The following POT1 variants were observed in gnomAD, a reference collection of about 807,000 sequenced individuals.
POT1 encodes the protein protection of telomeres protein 1.
In POT1, 47 loss-of-function variants were observed where a neutral mutation model predicts 78.5. That is an observed-to-expected ratio of 0.60 (90% CI 0.47 to 0.76). The LOEUF is 0.76. Ranked by LOEUF, POT1 falls within the 30% of genes least tolerant of loss-of-function variation. POT1 has a pLI of 0.00. For missense variants in POT1, 646 were observed against 749.9 expected (o/e 0.86, Z 1.62); for synonymous variants, 259 against 260.7 (o/e 0.99, Z 0.06).
At position 124,842,980 on chromosome 7, in the gene POT1, TATTCAATCAGAATAACAA is replaced by T. The variant is rs2116468506; in HGVS notation, c.1007-35_1007-18del. On this transcript the variant is annotated intron_variant, in intron 12 of 18. Transcript: ENST00000357628. ...CTGTAAGTACTGTAAAGAATTTTTATATTCAATCAGAATAACAAGAATCATATTTATGACATGCATCCT... is the reference window on the plus strand; with the variant it reads ...CTGTAAGTACTGTAAAGAATTTTTATGAATCATATTTATGACATGCATCCT... The T allele has an allele frequency of 1.3e-6, 2 of 1,506,054 alleles. No individual in the cohort carries two copies. Among genetic ancestry groups the T allele is most frequent in the Non-Finnish European group, 1.8e-6 (2 of 1,118,638 alleles). The allele number at this position is 1,506,054 out of a possible 1,614,324, so 93.3% of individuals were successfully genotyped here.
chr7:124,830,761 GAAAGC>G (rs1794739922), intron 15 of POT1, among the ~76,000 whole-genome samples: 1 of 151,970 alleles, frequency 6.6e-6, no homozygotes, highest in Non-Finnish European at 1.5e-5. Context: ...CCAGAAACTT[GAAAGC>G]AAAGGGATGA....
At chr7:124,843,823 A>T (rs1455092606) in intron 12 of POT1, among the ~76,000 whole-genome samples, 2 of 152,210 alleles carry the variant, frequency 1.3e-5, no homozygotes, top group Non-Finnish European at 2.9e-5. Context: ...TTCAGTACTG[A>T]GCTTTAATCC....
At chr7:124,830,747 A>G (rs1032253133) in intron 15 of POT1, among the ~76,000 whole-genome samples, 2 of 152,110 alleles carry the variant, frequency 1.3e-5, no homozygotes, top group Non-Finnish European at 2.9e-5. Context: ...TACAAATTAG[A>G]ATGCCAGAAA....
chr7:124,862,473 T>G (rs75276961), intron 8 of POT1, among the ~76,000 whole-genome samples: 3,828 of 152,298 alleles, frequency 0.025, 156 homozygotes, highest in African/African-American at 0.087. Context: ...TTTGACTTAT[T>G]TAACTTTCTG....
At position 124,922,925 on chromosome 7, in the gene POT1, C is replaced by T. The variant is rs144690382; in HGVS notation, c.-227+5890G>A. On this transcript the variant is annotated intron_variant, in intron 2 of 18. Transcript: ENST00000357628. ...TTGAAAAAGAAAGGAAATGTTCATACACTCAATATAAGGGCCACACTACCA... is the reference window on the plus strand; with the variant it reads ...TTGAAAAAGAAAGGAAATGTTCATATACTCAATATAAGGGCCACACTACCA... 1.9e-3 allele frequency among the ~76,000 whole-genome samples: 293 copies of T among 151,790 alleles called. 1 individual carries two copies. The highest frequency in any genetic ancestry group is 6.8e-3 in the African/African-American group (282 of 41,490).
chr7:124,834,536 A>G (rs1251789061), intron 15 of POT1, among the ~76,000 whole-genome samples: 1 of 152,040 alleles, frequency 6.6e-6, no homozygotes, highest in Non-Finnish European at 1.5e-5. Context: ...AATCAAAACC[A>G]CAATGAGATA....
In POT1 at chr7:124,868,355, C is replaced by A. The variant is rs79203345; in HGVS notation, c.255+2556G>T. On this transcript the variant is annotated intron_variant, in intron 7 of 18. Transcript: ENST00000357628. ...AGTAATGCTAAATCTATACAGGAGCCTCACAATATATAAAACATAAAATTA... is the reference window on the plus strand; with the variant it reads ...AGTAATGCTAAATCTATACAGGAGCATCACAATATATAAAACATAAAATTA... 5.9e-3 allele frequency among the ~76,000 whole-genome samples: 898 copies of A among 152,100 alleles called. 9 individuals carry two copies. The highest frequency in any genetic ancestry group is 0.02 in the African/African-American group (843 of 41,506).
intron 7 of POT1, among the ~76,000 whole-genome samples, chr7:124,867,026 T>C (rs1795743526): frequency 6.6e-6 from 1 of 152,236 alleles, no homozygotes; most frequent in African/African-American, 2.4e-5. Flanking sequence ...CCATGCTCAC[T>C]AGTGTATACT....
chr7:124,873,268 T>C (rs888800757), intron 6 of POT1, among the ~76,000 whole-genome samples: 1 of 152,214 alleles, frequency 6.6e-6, no homozygotes, highest in African/African-American at 2.4e-5. Flanking sequence ...TGTTTTCTTC[T>C]AGTAGGTTCA....
chr7:124,917,374 A>G (rs2116702448), intron 2 of POT1, among the ~76,000 whole-genome samples: 1 of 152,294 alleles, frequency 6.6e-6, no homozygotes, highest in South Asian at 2.1e-4. Flanking sequence ...CCGATCCTAC[A>G]TACAAAGTAA....
At chr7:124,828,287 T>C (rs1794679632) in intron 16 of POT1, among the ~76,000 whole-genome samples, 1 of 152,112 alleles carries the variant, frequency 6.6e-6, no homozygotes, top group South Asian at 2.1e-4. Flanking sequence ...TGGACAAGAA[T>C]GTCAGAATCT....
intron 3 of POT1, among the ~76,000 whole-genome samples, chr7:124,914,387 C>T (rs1306484176): frequency 6.6e-6 from 1 of 152,056 alleles, no homozygotes; most frequent in Non-Finnish European, 1.5e-5. Flanking sequence ...TTTTATAATT[C>T]TGATGGGGAC....
chr7:124,859,256 G>C, intron 8 of POT1, 144 bp from the exon 9 acceptor site: 1 of 525,760 alleles, frequency 1.9e-6, no homozygotes, highest in Non-Finnish European at 3.1e-6. Context: ...ATTATTTTCT[G>C]ATTGTTAAAG....
intron 15 of POT1, among the ~76,000 whole-genome samples, chr7:124,830,518 G>A (rs1304112148): frequency 6.6e-6 from 1 of 151,844 alleles, no homozygotes; most frequent in East Asian, 1.9e-4. Flanking sequence ...AAAAGACTAC[G>A]ATATTGATTA....
intron 3 of POT1, among the ~76,000 whole-genome samples, chr7:124,906,646 TA>T (rs1382615144): frequency 6.6e-6 from 1 of 151,770 alleles, no homozygotes; most frequent in East Asian, 1.9e-4. Context: ...TAATAAAAAA[TA>T]AAAAATAAAA....
intron 7 of POT1, among the ~76,000 whole-genome samples, chr7:124,868,336 G>C (rs1795781035): frequency 6.6e-6 from 1 of 151,986 alleles, no homozygotes; most frequent in Admixed American, 6.6e-5. Flanking sequence ...ATATAGTAAT[G>C]CTAAATCTAT....
chr7:124,850,081 T>C (rs1162020251), intron 11 of POT1, among the ~76,000 whole-genome samples: 1 of 151,986 alleles, frequency 6.6e-6, no homozygotes, highest in East Asian at 1.9e-4. Flanking sequence ...GAAAAAGAGA[T>C]TTAAAAAGTA....
rs17246404 is a variant in POT1 at position 124,822,607 on chromosome 7, C to T, written c.*1355G>A. On this transcript the variant is annotated 3_prime_UTR_variant, in exon 19 of 19. Transcript: ENST00000357628. Reference sequence around the variant, plus strand: ...TTGTATCCTGAGCACATCATCAACACGGAAACACACCTGTTCAACTGTAGG... The same window carrying T: ...TTGTATCCTGAGCACATCATCAACATGGAAACACACCTGTTCAACTGTAGG... The T allele has an allele frequency of 0.23, 102,116 of 444,536 alleles. 13,337 individuals are homozygous for T. Among genetic ancestry groups the T allele is most frequent in the East Asian group, 0.3 (4,244 of 14,286 alleles). The allele number at this position is 444,536 out of a possible 1,614,324, so 27.5% of individuals were successfully genotyped here.
intron 3 of POT1, among the ~76,000 whole-genome samples, chr7:124,899,306 T>C (rs758719889): frequency 1.3e-5 from 2 of 152,170 alleles, no homozygotes; most frequent in Non-Finnish European, 2.9e-5. Flanking sequence ...AAAGACCTTA[T>C]TTTGCCTTTT....
Sources: gnomAD v4.1 joint callset for allele counts (sites outside exome capture counted in the v4.1 genomes callset) on GRCh38, gnomAD v4.1.1 for gene constraint, MANE v1.5 for transcripts, NCBI Gene and HGNC (gene_info 2026-07-23, HGNC 2026-07-21) for gene names.